The following RPS6KC1 variants were observed in gnomAD, a reference collection of about 807,000 sequenced individuals.
The protein encoded by RPS6KC1 is inactive ribosomal protein S6 kinase delta-1.
In RPS6KC1, 54 loss-of-function variants were observed where a neutral mutation model predicts 103.8. The observed-to-expected ratio is 0.52, with a 90% CI of 0.42 to 0.65. The LOEUF is 0.65. Among genes scored for constraint, RPS6KC1 ranks in the 30% least tolerant of loss-of-function variants. The pLI, the probability that RPS6KC1 is intolerant of heterozygous loss-of-function variation, is 0.00. For missense variants in RPS6KC1, 1,151 were observed against 1,253.8 expected (o/e 0.92, Z 1.24); for synonymous variants, 439 against 438.7 (o/e 1.00, Z -0.01).
the RPS6KC1 span, among the ~76,000 whole-genome samples, chr1:213,388,862 G>A: frequency 1.3e-5 from 2 of 152,230 alleles, no homozygotes; most frequent in Non-Finnish European, 2.9e-5. Context: ...ACCAAACAAA[G>A]AGAGTTCACT....
chr1:213,270,048 C>A (rs2095008996), intron 14 of RPS6KC1, among the ~76,000 whole-genome samples: 1 of 152,012 alleles, frequency 6.6e-6, no homozygotes, highest in African/African-American at 2.4e-5. Context: ...ATTGGGAAAC[C>A]TTTAGCTGGT....
the RPS6KC1 span, among the ~76,000 whole-genome samples, chr1:213,652,490 T>C: frequency 2.0e-5 from 3 of 152,196 alleles, no homozygotes; most frequent in Non-Finnish European, 4.4e-5. Flanking sequence ...CACAAATTCA[T>C]ATAAATACAC....
At chr1:213,257,725 G>T (rs1273929020) in intron 12 of RPS6KC1, among the ~76,000 whole-genome samples, 1 of 149,620 alleles carries the variant, frequency 6.7e-6, no homozygotes, top group Non-Finnish European at 1.5e-5. Flanking sequence ...GCTGGTTGGT[G>T]GCACATTCAA....
chr1:213,554,706 T>C, the RPS6KC1 span, among the ~76,000 whole-genome samples: 96,514 of 151,982 alleles, frequency 0.64, 30,999 homozygotes, highest in East Asian at 0.86. Context: ...GTCTCTGAAC[T>C]TCTTGTTTAA....
the RPS6KC1 span, among the ~76,000 whole-genome samples, chr1:213,585,022 C>T: frequency 6.6e-6 from 1 of 152,222 alleles, no homozygotes; most frequent in African/African-American, 2.4e-5. Flanking sequence ...CAGACCTGAA[C>T]TTGAACTTCA....
At chr1:213,109,875 A>C (rs1040359939) in intron 4 of RPS6KC1, among the ~76,000 whole-genome samples, 2 of 151,590 alleles carry the variant, frequency 1.3e-5, no homozygotes, top group African/African-American at 4.8e-5. Context: ...GTATGTATGT[A>C]CATATATTTA....
At chr1:213,367,816 TAAG>T in the RPS6KC1 span, among the ~76,000 whole-genome samples, 1 of 152,196 alleles carries the variant, frequency 6.6e-6, no homozygotes, top group African/African-American at 2.4e-5. Context: ...GGAGGGTAGA[TAAG>T]AAGAAGAAAC....
the RPS6KC1 span, among the ~76,000 whole-genome samples, chr1:213,469,550 T>G: frequency 1.3e-5 from 2 of 152,098 alleles, no homozygotes; most frequent in African/African-American, 4.8e-5. Context: ...GTGCTGAACC[T>G]GCCTTCTCAT....
rs1250014430 is a variant in RPS6KC1, at chr1:213,129,806, T to C, written c.752T>C (p.Leu251Ser). The C allele has an allele frequency of 6.2e-7, 1 of 1,613,562 alleles. No individual in the cohort carries two copies. The highest frequency in any genetic ancestry group is 1.3e-5 in the African/African-American group (1 of 74,838). ...GCAGGAGAATTAATAAAGCTGGCTT[T>C]AAAAAAGGAAGAAGAAGACGACTAT... Reference protein sequence around the residue: ...EKAGELIKLALKKEEEDDYEA... With the variant: ...EKAGELIKLASKKEEEDDYEA... The change falls in exon 6 of 15, where the codon TTA becomes TCA. Residue 251 changes from leucine (L) to serine (S), a missense_variant. This residue lies in a region of RPS6KC1 where 959 missense variants were observed against 1,006.3 expected (regional missense o/e 0.95). Transcript: ENST00000366960.
chr1:213,639,980 T>C, the RPS6KC1 span, among the ~76,000 whole-genome samples: 1 of 151,986 alleles, frequency 6.6e-6, no homozygotes, highest in Non-Finnish European at 1.5e-5. Flanking sequence ...TTATTTTTTC[T>C]TTAGTATGTT....
chr1:213,731,340 A>G, the RPS6KC1 span: 7 of 152,346 alleles, frequency 4.6e-5, no homozygotes, highest in African/African-American at 1.7e-4. Context: ...TTTGGGGAGT[A>G]TAGTCACTTT....
the RPS6KC1 span, among the ~76,000 whole-genome samples, chr1:213,543,132 G>T: frequency 6.6e-6 from 1 of 152,224 alleles, no homozygotes. Flanking sequence ...CACGGGAGCT[G>T]GAAAGTGGTT....
At chr1:213,444,594 C>A in the RPS6KC1 span, among the ~76,000 whole-genome samples, 1 of 152,014 alleles carries the variant, frequency 6.6e-6, no homozygotes, top group African/African-American at 2.4e-5. Context: ...CCTGTCTCTA[C>A]TAAAAATACA....
chr1:213,306,250 T>C, the RPS6KC1 span, among the ~76,000 whole-genome samples: 1 of 152,206 alleles, frequency 6.6e-6, no homozygotes, highest in Non-Finnish European at 1.5e-5. Context: ...CTCACTTAAT[T>C]GCCAGGGATC....
the RPS6KC1 span, among the ~76,000 whole-genome samples, chr1:213,844,829 T>G: frequency 2.0e-5 from 3 of 152,162 alleles, no homozygotes; most frequent in Non-Finnish European, 4.4e-5. Flanking sequence ...CTTCAGAAAC[T>G]AGTCCAGCAA....
the RPS6KC1 span, among the ~76,000 whole-genome samples, chr1:213,389,927 G>T: frequency 6.6e-6 from 1 of 152,070 alleles, no homozygotes; most frequent in Non-Finnish European, 1.5e-5. Flanking sequence ...CAGTGGCCCT[G>T]TGTTTATGGA....
intron 12 of RPS6KC1, among the ~76,000 whole-genome samples, chr1:213,258,926 A>T (rs990954620): frequency 3.9e-5 from 6 of 152,202 alleles, no homozygotes; most frequent in African/African-American, 1.2e-4. Flanking sequence ...GAGAGCACCC[A>T]GGGATATGTC....
At chr1:213,624,794 T>C in the RPS6KC1 span, among the ~76,000 whole-genome samples, 1 of 152,104 alleles carries the variant, frequency 6.6e-6, no homozygotes, top group Admixed American at 6.5e-5. Context: ...GGGGTCTCTT[T>C]TATAAGGGCA....
chr1:213,478,024 C>CTATTCATCCCT, the RPS6KC1 span, among the ~76,000 whole-genome samples: 1 of 152,198 alleles, frequency 6.6e-6, no homozygotes, highest in Non-Finnish European at 1.5e-5. Flanking sequence ...TGCGCTCTGC[C>CTATTCATCCCT]TATTCATCCC....
Sources: gnomAD v4.1 joint callset for allele counts (sites outside exome capture counted in the v4.1 genomes callset) on GRCh38, gnomAD v4.1.1 for gene constraint, gnomAD v4.1.1 regional missense constraint, MANE v1.5 for transcripts, NCBI Gene and HGNC (gene_info 2026-07-23, HGNC 2026-07-21) for gene names.